TUT4: variants seen among roughly 807,000 people sequenced by gnomAD.
The protein encoded by TUT4 is terminal uridylyltransferase 4.
In TUT4, 36 loss-of-function variants were observed where a neutral mutation model predicts 192.2. That is an observed-to-expected ratio of 0.19 (90% CI 0.14 to 0.25). The LOEUF is 0.25. Among genes scored for constraint, TUT4 ranks in the 10% least tolerant of loss-of-function variants. TUT4 has a pLI of 1.00. For synonymous variants in TUT4, 618 were observed against 666.0 expected, an observed-to-expected ratio of 0.93 and a Z score of 1.11; for missense variants, 1,493 against 1,957.2, an observed-to-expected ratio of 0.76 and a Z score of 4.47.
intron 27 of TUT4, chr1:52,432,950 A>C (rs1334741465): frequency 6.6e-6 from 1 of 152,354 alleles, no homozygotes; most frequent in Non-Finnish European, 1.5e-5. Flanking sequence ...GATAAGTAAA[A>C]ATTAAAAGGC....
chr1:52,531,214 T>C (rs1190377409), intron 1 of TUT4, among the ~76,000 whole-genome samples: 1 of 151,618 alleles, frequency 6.6e-6, no homozygotes, highest in Non-Finnish European at 1.5e-5. Context: ...TTAATAATTA[T>C]CAAGAAAAAG....
chr1:52,493,880 T>C (rs1671812445), intron 6 of TUT4, among the ~76,000 whole-genome samples: 1 of 151,330 alleles, frequency 6.6e-6, no homozygotes, highest in African/African-American at 2.4e-5. Context: ...CACTACAGCC[T>C]GAACTTCTGG....
At chr1:52,490,171 GA>G (rs1400679585) in intron 8 of TUT4, among the ~76,000 whole-genome samples, 11 of 111,144 alleles carry the variant, frequency 9.9e-5, no homozygotes, top group African/African-American at 3.4e-4. Flanking sequence ...TTTTTTTTGA[GA>G]CAGGGTCTCA....
At chr1:52,482,027 G>T in intron 9 of TUT4, 104 bp from the exon 10 acceptor site, 1 of 949,644 alleles carries the variant, frequency 1.1e-6, no homozygotes, top group Non-Finnish European at 1.4e-6. Context: ...AAGTTCAAAT[G>T]ACAATGAAAA....
intron 28 of TUT4, among the ~76,000 whole-genome samples, chr1:52,429,573 T>TAC (rs1491075595): frequency 7.1e-6 from 1 of 141,644 alleles, no homozygotes; most frequent in African/African-American, 2.8e-5. Flanking sequence ...TATATATATA[T>TAC]ACTTTTTTTT....
chr1:52,480,448 T>C (rs979707918), intron 11 of TUT4, among the ~76,000 whole-genome samples: 4 of 152,176 alleles, frequency 2.6e-5, no homozygotes, highest in Non-Finnish European at 5.9e-5. Context: ...GGCAAACTGA[T>C]GGGGTGACAT....
chr1:52,493,078 A>C (rs1223911667), intron 7 of TUT4, among the ~76,000 whole-genome samples: 2 of 152,072 alleles, frequency 1.3e-5, no homozygotes, highest in Non-Finnish European at 2.9e-5. Flanking sequence ...TTGCATATGA[A>C]GGTTTTTTGT....
chr1:52,502,185 A>C (rs1227600138), intron 4 of TUT4, among the ~76,000 whole-genome samples: 1 of 151,808 alleles, frequency 6.6e-6, no homozygotes, highest in South Asian at 2.1e-4. Flanking sequence ...AAGACAATGC[A>C]ACATGTTCTT....
chr1:52,545,261 C>T (rs932755067), intron 1 of TUT4, among the ~76,000 whole-genome samples: 1 of 151,182 alleles, frequency 6.6e-6, no homozygotes, highest in Non-Finnish European at 1.5e-5. Context: ...CCTGTAATCC[C>T]AGCTACTCAG....
chr1:52,551,389 T>C (rs1457409231), intron 1 of TUT4, among the ~76,000 whole-genome samples: 1 of 152,146 alleles, frequency 6.6e-6, no homozygotes, highest in Admixed American at 6.5e-5. Context: ...CAGAAAAATT[T>C]ATCTAAGAGT....
chr1:52,489,631 G>C (rs143433653), intron 8 of TUT4, among the ~76,000 whole-genome samples: 4 of 152,158 alleles, frequency 2.6e-5, no homozygotes, highest in Admixed American at 2.6e-4. Context: ...GAAGTGTAGT[G>C]AAGATATTTT....
intron 20 of TUT4, among the ~76,000 whole-genome samples, chr1:52,451,219 T>C (rs934975489): frequency 1.3e-5 from 2 of 150,398 alleles, no homozygotes; most frequent in South Asian, 2.1e-4. Flanking sequence ...TGAGCCGAGA[T>C]TGCGCCACTG....
intron 24 of TUT4, among the ~76,000 whole-genome samples, chr1:52,443,398 C>A (rs1362029398): frequency 6.6e-6 from 1 of 151,468 alleles, no homozygotes; most frequent in Non-Finnish European, 1.5e-5. Context: ...ACCAACCTGA[C>A]CAGCATGGTG....
intron 28 of TUT4, 112 bp downstream of exon 28, chr1:52,430,901 T>C (rs976290502): frequency 1.5e-5 from 18 of 1,203,964 alleles, no homozygotes; most frequent in Non-Finnish European, 1.1e-6. Flanking sequence ...TCTAATCCTG[T>C]ACTGTCCCCT....
At chr1:52,452,129 T>C (rs1486274539) in intron 20 of TUT4, among the ~76,000 whole-genome samples, 1 of 151,880 alleles carries the variant, frequency 6.6e-6, no homozygotes, top group Non-Finnish European at 1.5e-5. Context: ...ATTACCCTAA[T>C]ACCAAAACCA....
At chr1:52,545,057 C>CCA (rs1553238495) in intron 1 of TUT4, among the ~76,000 whole-genome samples, 7 of 90,206 alleles carry the variant, frequency 7.8e-5, no homozygotes, top group African/African-American at 9.8e-5. Flanking sequence ...ACCTTGTCCC[C>CCA]AAAAAAAAAA....
At chr1:52,507,115 T>A (rs1483034512) in intron 4 of TUT4, among the ~76,000 whole-genome samples, 2 of 152,222 alleles carry the variant, frequency 1.3e-5, no homozygotes, top group Non-Finnish European at 2.9e-5. Flanking sequence ...AAGTCCTGTA[T>A]GAGCACCAAT....
At chr1:52,433,055 G>A (rs1240796534) in intron 27 of TUT4, 1 of 152,318 alleles carries the variant, frequency 6.6e-6, no homozygotes, top group Non-Finnish European at 1.5e-5. Flanking sequence ...GGGATAGAGG[G>A]AAGCAAATGG....
intron 16 of TUT4, chr1:52,463,877 C>T (rs902152801): frequency 3.0e-6 from 3 of 1,003,034 alleles, no homozygotes; most frequent in Non-Finnish European, 4.1e-6. Flanking sequence ...ACTCAGAAAG[C>T]TATCAGTTTC....
Sources: allele counts gnomAD v4.1 joint callset (sites outside exome capture counted in the v4.1 genomes callset), GRCh38; gene constraint gnomAD v4.1.1; transcripts MANE v1.5; gene names NCBI Gene and HGNC (gene_info 2026-07-23, HGNC 2026-07-21).